Variants in MRTFB observed in about 807,000 individuals in gnomAD.
The protein encoded by MRTFB is myocardin-related transcription factor B.
Under a neutral mutation model 104.2 loss-of-function variants are expected in MRTFB, and 29 were observed. The ratio of observed to expected loss-of-function variants is 0.28; its 90% CI spans 0.21 to 0.38. The LOEUF is 0.38. MRTFB is among the 10% of genes least tolerant of loss of function. The pLI is 1.00. For synonymous variants in MRTFB, 535 were observed against 519.5 expected (o/e 1.03, Z -0.41); for missense variants, 1,270 against 1,341.6 (o/e 0.95, Z 0.83).
chr16:14,119,030 C>T lies in MRTFB; in HGVS notation c.-63-21514C>T, dbSNP rs75266061. Among the ~76,000 whole-genome samples the T allele has an allele frequency of 3.8e-3, 583 of 152,184 alleles. 2 individuals carry two copies. Among genetic ancestry groups the T allele is most frequent in the Non-Finnish European group, 6.3e-3 (426 of 68,002 alleles). On this transcript the variant is annotated intron_variant, in intron 2 of 16. Transcript: ENST00000571589. Reference sequence around the variant, plus strand: ...ATTTTCAACATTGTGGTATGTGTCTCGTGCATGTTTGACAGCTTTTCTAGG... The same window carrying T: ...ATTTTCAACATTGTGGTATGTGTCTTGTGCATGTTTGACAGCTTTTCTAGG...
chr16:14,218,049 GTTTT>G (rs946867054), intron 7 of MRTFB, among the ~76,000 whole-genome samples: 2 of 151,898 alleles, frequency 1.3e-5, no homozygotes, highest in Admixed American at 6.6e-5. Flanking sequence ...TCCTTGTCAC[GTTTT>G]TTTGTTTGTT....
intron 3 of MRTFB, among the ~76,000 whole-genome samples, chr16:14,204,189 T>C (rs1369748177): frequency 6.6e-6 from 1 of 152,158 alleles, no homozygotes; most frequent in Non-Finnish European, 1.5e-5. Context: ...TTGCCCAGGC[T>C]GTTCTCAAAC....
intron 2 of MRTFB, among the ~76,000 whole-genome samples, chr16:14,089,083 G>A (rs2034896148): frequency 6.6e-6 from 1 of 152,194 alleles, no homozygotes. Context: ...CAAGCAGAGT[G>A]ATTCAACCAG....
At chr16:14,057,185 C>T in the MRTFB span, among the ~76,000 whole-genome samples, 1 of 152,206 alleles carries the variant, frequency 6.6e-6, no homozygotes, top group Middle Eastern at 3.4e-3. Flanking sequence ...GGAATGTAAG[C>T]TCACTGTTCC....
At chr16:14,210,205 G>A (rs760540462) in intron 3 of MRTFB, 38 bp from the exon 4 acceptor site, 14 of 1,551,292 alleles carry the variant, frequency 9.0e-6, no homozygotes, top group Non-Finnish European at 1.2e-5. Flanking sequence ...TCCCACAGTT[G>A]CCGATAAACT....
intron 10 of MRTFB, among the ~76,000 whole-genome samples, chr16:14,243,864 G>GTTTTTTTTTTGTTTTTTTTT: frequency 8.0e-6 from 1 of 124,676 alleles, no homozygotes; most frequent in Non-Finnish European, 1.6e-5. Flanking sequence ...CCTGTTTTGG[G>GTTTTTTTTTTGTTTTTTTTT]TTTTTTTTTT....
intron 3 of MRTFB, among the ~76,000 whole-genome samples, chr16:14,203,679 T>C (rs226784): frequency 0.23 from 34,456 of 151,514 alleles, 7,304 homozygotes; most frequent in African/African-American, 0.55. Flanking sequence ...GGTACACAAC[T>C]TGTAATCCCA....
At chr16:14,226,234 C>A (rs764764992) in intron 8 of MRTFB, among the ~76,000 whole-genome samples, 3 of 152,100 alleles carry the variant, frequency 2.0e-5, no homozygotes, top group Non-Finnish European at 4.4e-5. Context: ...CTTATGGAAT[C>A]CTGAAAAACC....
chr16:14,003,796 A>G, the MRTFB span, among the ~76,000 whole-genome samples: 1 of 152,124 alleles, frequency 6.6e-6, no homozygotes, highest in Non-Finnish European at 1.5e-5. Context: ...ACTGCATTTC[A>G]TGAGGGAATG....
chr16:14,051,483 A>C, the MRTFB span, among the ~76,000 whole-genome samples: 24 of 152,086 alleles, frequency 1.6e-4, no homozygotes. Flanking sequence ...ACATACACAC[A>C]TACAGACACA....
At chr16:14,217,396 G>T in intron 7 of MRTFB, 109 bp downstream of exon 7, 7 of 904,468 alleles carry the variant, frequency 7.7e-6, no homozygotes, top group Non-Finnish European at 9.5e-6. Context: ...TTGTTTTCTG[G>T]GTTAATTAGA....
intron 3 of MRTFB, among the ~76,000 whole-genome samples, chr16:14,155,466 C>T (rs772096979): frequency 7.9e-5 from 12 of 151,988 alleles, no homozygotes; most frequent in Admixed American, 2.6e-4. Context: ...TTGCATTTTC[C>T]TGCTTCCTGG....
chr16:14,251,734 C>G, intron 13 of MRTFB, 128 bp from the exon 14 acceptor site: 1 of 952,294 alleles, frequency 1.1e-6, no homozygotes, highest in Non-Finnish European at 1.6e-6. Flanking sequence ...ACCCACAAAT[C>G]ATAAGCTATA....
intron 3 of MRTFB, among the ~76,000 whole-genome samples, chr16:14,204,755 T>C (rs2040866509): frequency 6.6e-6 from 1 of 152,210 alleles, no homozygotes; most frequent in African/African-American, 2.4e-5. Context: ...TCTGTATCCA[T>C]GTTCACATAT....
At position 14,178,829 on chromosome 16, in the gene MRTFB, A is replaced by G. The variant is rs529166147; in HGVS notation, c.155-31414A>G. ...CAGTGGCCCCATTTCAGCTCACTGCAGCCTCGTCCTCCTGGGCTCAAGCTA... is the reference window on the plus strand; with the variant it reads ...CAGTGGCCCCATTTCAGCTCACTGCGGCCTCGTCCTCCTGGGCTCAAGCTA... On this transcript the variant is annotated intron_variant, in intron 3 of 16. Coordinates refer to ENST00000571589, the MANE Select transcript of MRTFB (RefSeq NM_001308142.2). Among the ~76,000 whole-genome samples the G allele has an allele frequency of 2.0e-5, 3 of 152,120 alleles. No individual in the cohort carries two copies. In the East Asian group the frequency reaches 5.8e-4, roughly 29 times the overall value.
chr16:14,220,337 T>A (rs2041634787), intron 8 of MRTFB, among the ~76,000 whole-genome samples: 1 of 152,186 alleles, frequency 6.6e-6, no homozygotes, highest in Non-Finnish European at 1.5e-5. Flanking sequence ...TCTGCTACTG[T>A]TTTGAGTAGG....
At chr16:14,152,325 T>A (rs2038655617) in intron 3 of MRTFB, 2 of 151,940 alleles carry the variant, frequency 1.3e-5, no homozygotes, top group South Asian at 4.1e-4. Flanking sequence ...TGCATATATA[T>A]AAATATATAC....
chr16:14,240,047 T>G (rs1048312839), intron 9 of MRTFB, among the ~76,000 whole-genome samples, 190 bp from the exon 10 acceptor site: 3 of 152,208 alleles, frequency 2.0e-5, no homozygotes, highest in Non-Finnish European at 4.4e-5. Flanking sequence ...AGGAGAAAAT[T>G]TATTGGTCAA....
At chr16:13,999,677 C>G in the MRTFB span, among the ~76,000 whole-genome samples, 1 of 152,136 alleles carries the variant, frequency 6.6e-6, no homozygotes, top group Non-Finnish European at 1.5e-5. Context: ...GAAGCCAACA[C>G]CACAGAAGGT....
Sources: gnomAD v4.1 joint callset for allele counts (sites outside exome capture counted in the v4.1 genomes callset) on GRCh38, gnomAD v4.1.1 for gene constraint, MANE v1.5 for transcripts, NCBI Gene and HGNC (gene_info 2026-07-23, HGNC 2026-07-21) for gene names.